SCN9A: variants seen among roughly 807,000 people sequenced by gnomAD.
The protein encoded by SCN9A is sodium voltage-gated channel alpha subunit 9.
A neutral mutation model predicts 187.0 loss-of-function variants in SCN9A; 131 were observed. That is an observed-to-expected ratio of 0.70 (90% CI 0.61 to 0.81). The LOEUF (loss-of-function observed/expected upper bound fraction) is 0.81. Ranked by LOEUF, SCN9A falls within the 30% of genes least tolerant of loss-of-function variation. SCN9A has a pLI of 0.00. For synonymous variants in SCN9A, 809 were observed against 808.6 expected (o/e 1.00, Z -0.01); for missense variants, 2,252 against 2,396.6 (o/e 0.94, Z 1.26).
chr2:166,263,292 C>T (rs911610675), intron 17 of SCN9A, among the ~76,000 whole-genome samples: 2 of 151,952 alleles, frequency 1.3e-5, no homozygotes, highest in Non-Finnish European at 2.9e-5. Flanking sequence ...TGTTACGTTT[C>T]GTTCCTGAAA....
chr2:166,344,947 C>T (rs1699866195), intron 1 of SCN9A, among the ~76,000 whole-genome samples: 1 of 152,124 alleles, frequency 6.6e-6, no homozygotes, highest in African/African-American at 2.4e-5. Flanking sequence ...TTGCCAGAAG[C>T]TTTTTCTCGA....
chr2:166,293,512 C>T (rs2106504071), intron 8 of SCN9A, 140 bp from the exon 9 acceptor site: 1 of 693,286 alleles, frequency 1.4e-6, no homozygotes, highest in East Asian at 2.9e-5. Flanking sequence ...GATTTGGCTA[C>T]TGACTACTTA....
At chr2:166,366,104 G>T (rs1308798583) in intron 1 of SCN9A, among the ~76,000 whole-genome samples, 1 of 152,062 alleles carries the variant, frequency 6.6e-6, no homozygotes, top group Non-Finnish European at 1.5e-5. Context: ...AACCTCAATG[G>T]CACCAATACC....
At chr2:166,338,627 T>C (rs2105276566) in intron 1 of SCN9A, among the ~76,000 whole-genome samples, 1 of 152,298 alleles carries the variant, frequency 6.6e-6, no homozygotes, top group Admixed American at 6.5e-5. Context: ...CAGTATGATA[T>C]TACTATCTGA....
At position 166,278,152 on chromosome 2, in the gene SCN9A, T is replaced by G. The variant is rs1697319981; in HGVS notation, c.2505A>C (p.Arg835=). Residue 835 remains arginine, a synonymous_variant, in exon 15 of 27, where the codon CGA becomes CGC. Transcript: ENST00000642356. ...AGTTTATGTTTACCAGTCTGAATGA[T>G]CGCAGAACTGACAATCCTTCCACAT... ...LADVEGLSVL[R]SFRLLRVFKL... 2.5e-6 allele frequency: 4 copies of G among 1,612,664 alleles called. No individual in the cohort carries two copies. Among genetic ancestry groups the G allele is most frequent in the Non-Finnish European group, 3.4e-6 (4 of 1,179,418 alleles).
chr2:166,295,626 C>T (rs922526522), intron 7 of SCN9A, among the ~76,000 whole-genome samples: 4 of 152,036 alleles, frequency 2.6e-5, no homozygotes, highest in East Asian at 3.9e-4. Context: ...ATATATGGTC[C>T]GCTATTGACT....
rs1558974298 is a variant in SCN9A, at chr2:166,239,221, T to TAAA, written c.3628-955_3628-954insTTT. ...CTGGGCAACAGAGCAAGACTCTGTC[T>TAAA]CAAAAAAAAAAAAAAAAAAAAGGCT... On this transcript the variant is annotated intron_variant, in intron 19 of 26. Transcript: ENST00000642356. Among the ~76,000 whole-genome samples the TAAA allele has an allele frequency of 6.9e-5, 9 of 130,048 alleles. 4 individuals are homozygous for TAAA. The highest frequency in any genetic ancestry group is 1.6e-4 in the Admixed American group (2 of 12,672). 85.3% of individuals were successfully genotyped at this position (130,048 alleles called of 152,430 possible).
intron 6 of SCN9A, 36 bp downstream of exon 6, chr2:166,304,202 T>C (rs1359308110): frequency 6.8e-6 from 11 of 1,610,432 alleles, no homozygotes; most frequent in Non-Finnish European, 8.5e-6. Context: ...GTTGGAGTTA[T>C]GAGTGGCCTA....
At chr2:166,326,279 C>T (rs960896176) in intron 1 of SCN9A, among the ~76,000 whole-genome samples, 2 of 152,158 alleles carry the variant, frequency 1.3e-5, no homozygotes, top group Non-Finnish European at 2.9e-5. Flanking sequence ...ATAAGAAAGT[C>T]AAAGGTGCGA....
rs190615479 is a variant in SCN9A at position 166,284,177 on chromosome 2, C to T, written c.1974+276G>A. On this transcript the variant is annotated intron_variant, in intron 12 of 26. Coordinates refer to ENST00000642356, the MANE Select transcript of SCN9A (RefSeq NM_001365536.1). ...ACTGATATCTATCTATATATGTATCCGTCATAAATTGTTCTCTAAAGAGAT... is the reference window on the plus strand; with the variant it reads ...ACTGATATCTATCTATATATGTATCTGTCATAAATTGTTCTCTAAAGAGAT... Among the ~76,000 whole-genome samples, 35 of 152,014 alleles carry T rather than the reference C, an allele frequency of 2.3e-4. 1 individual carries two copies. Among genetic ancestry groups the T allele is most frequent in the Admixed American group, 1.6e-3 (25 of 15,264 alleles).
chr2:166,358,502 T>C (rs1343536518), intron 1 of SCN9A, among the ~76,000 whole-genome samples: 1 of 152,210 alleles, frequency 6.6e-6, no homozygotes, highest in African/African-American at 2.4e-5. Flanking sequence ...TGTCCACTTT[T>C]TTAATAGACT....
At chr2:166,347,832 A>G (rs1443796697) in intron 1 of SCN9A, among the ~76,000 whole-genome samples, 1 of 152,196 alleles carries the variant, frequency 6.6e-6, no homozygotes, top group African/African-American at 2.4e-5. Flanking sequence ...CACAGAATTT[A>G]AAGAGGCTGT....
chr2:166,285,455 A>G (rs1038652996), intron 11 of SCN9A, among the ~76,000 whole-genome samples: 1 of 152,212 alleles, frequency 6.6e-6, no homozygotes, highest in African/African-American at 2.4e-5. Context: ...TGTAAAGAAC[A>G]AAGTGGCAAC....
chr2:166,233,214 C>T (rs536550686), intron 21 of SCN9A, 126 bp downstream of exon 21: 2 of 578,096 alleles, frequency 3.5e-6, no homozygotes, highest in Admixed American at 8.1e-5. Flanking sequence ...TATGTACACA[C>T]ACATACATAA....
intron 7 of SCN9A, 121 bp downstream of exon 7, chr2:166,302,969 A>C (rs902346429): frequency 1.3e-6 from 1 of 795,096 alleles, no homozygotes; most frequent in Non-Finnish European, 2.0e-6. Context: ...ACACTGTAGC[A>C]GCTTTCTATA....
chr2:166,205,673 A>C (rs1263373167), intron 24 of SCN9A, among the ~76,000 whole-genome samples: 3 of 152,182 alleles, frequency 2.0e-5, no homozygotes, highest in Non-Finnish European at 4.4e-5. Context: ...GGATCTAATT[A>C]AACTAAAGAG....
intron 7 of SCN9A, among the ~76,000 whole-genome samples, chr2:166,299,209 T>A: frequency 7.0e-6 from 1 of 143,412 alleles, no homozygotes; most frequent in Admixed American, 6.7e-5. Flanking sequence ...AACCCATATA[T>A]TTTTTTAAAT....
intron 1 of SCN9A, among the ~76,000 whole-genome samples, chr2:166,341,446 T>C (rs1215225891): frequency 6.6e-6 from 1 of 152,230 alleles, no homozygotes; most frequent in East Asian, 1.9e-4. Context: ...CAGTGGCTTC[T>C]CCCACTTTAT....
At chr2:166,210,501 C>T (rs1041499366) in intron 24 of SCN9A, among the ~76,000 whole-genome samples, 4 of 126,090 alleles carry the variant, frequency 3.2e-5, no homozygotes, top group African/African-American at 1.2e-4. Context: ...AATTAAAAAA[C>T]CCTCAAAAGA....
Sources: allele counts gnomAD v4.1 joint callset (sites outside exome capture counted in the v4.1 genomes callset), GRCh38; gene constraint gnomAD v4.1.1; transcripts MANE v1.5; gene names NCBI Gene and HGNC (gene_info 2026-07-23, HGNC 2026-07-21).